The following ST7 variants were observed in gnomAD, a reference collection of about 807,000 sequenced individuals.
ST7 encodes suppressor of tumorigenicity 7 protein.
ST7 carries 28 observed loss-of-function variants against 78.7 expected under a neutral mutation model. That is an observed-to-expected ratio of 0.36 (90% CI 0.26 to 0.49). The LOEUF is 0.49. Ranked by LOEUF, ST7 falls within the 20% of genes least tolerant of loss-of-function variation. The probability of loss-of-function intolerance (pLI) is 0.99; values close to 1 mark genes in which losing one functional copy is unlikely to be tolerated. For synonymous variants in ST7, 247 were observed against 249.6 expected, an observed-to-expected ratio of 0.99 and a Z score of 0.10; for missense variants, 418 against 696.0, an observed-to-expected ratio of 0.60 and a Z score of 4.49.
intron 4 of ST7, 37 bp downstream of exon 4, chr7:117,129,884 G>T (rs752608790): frequency 6.4e-7 from 1 of 1,559,318 alleles, no homozygotes; most frequent in Non-Finnish European, 8.8e-7. Flanking sequence ...AAATGGGTCT[G>T]GTTCAGAGAG....
chr7:116,989,122 T>C (rs1286678260), intron 1 of ST7, among the ~76,000 whole-genome samples: 1 of 152,224 alleles, frequency 6.6e-6, no homozygotes, highest in Non-Finnish European at 1.5e-5. Context: ...ACCCCATATA[T>C]TCAAGATATT....
In ST7 at chr7:116,966,762, C is replaced by A. The variant is rs75524845; in HGVS notation, c.151+13071C>A. ...AAGCATCCCCTCTAGGCAGGAAGCC[C>A]AGCTGTGATTGTGAAATGACATTAT... On this transcript the variant is annotated intron_variant, in intron 1 of 15. Coordinates refer to ENST00000323984, the MANE Select transcript of ST7 (RefSeq NM_001369598.1). Among the ~76,000 whole-genome samples, 1,243 of 152,288 alleles carry A rather than the reference C, an allele frequency of 8.2e-3. 13 individuals carry two copies. Among genetic ancestry groups the A allele is most frequent in the African/African-American group, 0.024 (1,011 of 41,558 alleles).
chr7:117,182,376 C>G (rs1014342928), intron 10 of ST7, among the ~76,000 whole-genome samples: 5 of 152,068 alleles, frequency 3.3e-5, no homozygotes, highest in Admixed American at 1.3e-4. Flanking sequence ...ATGGAGGGAG[C>G]AAAGCTGTGC....
intron 1 of ST7, among the ~76,000 whole-genome samples, chr7:117,011,082 G>A (rs1485007914): frequency 6.6e-6 from 1 of 152,152 alleles, no homozygotes; most frequent in Admixed American, 6.5e-5. Flanking sequence ...GACCCACCAG[G>A]TCATGAGCCA....
intron 12 of ST7, among the ~76,000 whole-genome samples, chr7:117,196,387 CAACAG>C (rs1810305726): frequency 3.2e-5 from 1 of 30,926 alleles, no homozygotes; most frequent in Non-Finnish European, 1.2e-4. Context: ...ACATTCCCAC[CAACAG>C]TGCACAAGGG....
intron 1 of ST7, chr7:116,958,623 C>T: frequency 2.1e-6 from 1 of 471,338 alleles, no homozygotes; most frequent in Non-Finnish European, 4.4e-6. Context: ...ATCCTTTCAG[C>T]TGCAGAAAAG....
At chr7:117,090,479 G>A (rs1800526722) in intron 1 of ST7, among the ~76,000 whole-genome samples, 2 of 152,182 alleles carry the variant, frequency 1.3e-5, no homozygotes, top group South Asian at 2.1e-4. Context: ...GGCTGATGGA[G>A]GATTGAGACA....
chr7:117,215,629 C>T (rs1428084401), intron 13 of ST7, among the ~76,000 whole-genome samples: 1 of 152,216 alleles, frequency 6.6e-6, no homozygotes, highest in Non-Finnish European at 1.5e-5. Context: ...CGCTAGTGAG[C>T]CTAGGCAGGT....
At chr7:117,189,049 A>G (rs1330727284) in intron 10 of ST7, among the ~76,000 whole-genome samples, 2 of 152,238 alleles carry the variant, frequency 1.3e-5, no homozygotes, top group Non-Finnish European at 2.9e-5. Flanking sequence ...TAAACTCAAC[A>G]TATGAAAATT....
chr7:116,967,181 T>C (rs564346174), intron 1 of ST7: 1 of 289,470 alleles, frequency 3.5e-6, no homozygotes, highest in African/African-American at 2.2e-5. Flanking sequence ...TCTCAAGCAA[T>C]GTTCTCCTAG....
intron 1 of ST7, among the ~76,000 whole-genome samples, chr7:116,984,133 G>GTT (rs1418862309): frequency 6.6e-6 from 1 of 151,602 alleles, no homozygotes; most frequent in African/African-American, 2.4e-5. Context: ...GTGTGTGTGT[G>GTT]TGTGTGTGTG....
In ST7 at chr7:117,194,933, C is replaced by G. The variant is rs1364849865; in HGVS notation, c.1254+3997C>G. Among the ~76,000 whole-genome samples the G allele has an allele frequency of 2.0e-5, 3 of 152,162 alleles. No homozygotes were observed. In the East Asian group the frequency reaches 5.8e-4, roughly 29 times the overall value. The stretch of plus-strand genomic sequence containing the variant: ...CTGCAAGCCTTTCACTGCGAGGAGA[C>G]ACATTTTTGTTTTGGAGGATGTTAC... On this transcript the variant is annotated intron_variant, in intron 12 of 15. Transcript: ENST00000323984.
chr7:117,216,276 G>C (rs1792686703), intron 13 of ST7, among the ~76,000 whole-genome samples: 1 of 152,126 alleles, frequency 6.6e-6, no homozygotes, highest in African/African-American at 2.4e-5. Context: ...ATCAAGGTAG[G>C]GGAAGGGATG....
At chr7:117,016,503 C>G (rs1389600224) in intron 1 of ST7, among the ~76,000 whole-genome samples, 2 of 14,616 alleles carry the variant, frequency 1.4e-4, no homozygotes, top group Non-Finnish European at 5.6e-3. Flanking sequence ...ATTTGTTGTT[C>G]TTAAGTAATA....
chr7:117,173,727 G>A (rs1432883238), intron 10 of ST7, among the ~76,000 whole-genome samples: 1 of 152,112 alleles, frequency 6.6e-6, no homozygotes, highest in African/African-American at 2.4e-5. Flanking sequence ...AGGATTATAT[G>A]TCCTTTTTAC....
chr7:117,183,474 T>C (rs1421189979), intron 10 of ST7, among the ~76,000 whole-genome samples: 1 of 152,038 alleles, frequency 6.6e-6, no homozygotes, highest in Non-Finnish European at 1.5e-5. Flanking sequence ...TACATATAGT[T>C]ACAGGTACAA....
At chr7:117,108,383 C>G (rs1334197347) in intron 2 of ST7, among the ~76,000 whole-genome samples, 1 of 152,068 alleles carries the variant, frequency 6.6e-6, no homozygotes, top group African/African-American at 2.4e-5. Context: ...TGTGCTTTGT[C>G]CAAGATCAGT....
chr7:116,970,712 T>C (rs1173236883), intron 1 of ST7, among the ~76,000 whole-genome samples: 2 of 152,180 alleles, frequency 1.3e-5, no homozygotes. Flanking sequence ...AGCATTGTGG[T>C]TTGGCTTTCT....
chr7:116,987,389 G>C (rs113845981), intron 1 of ST7, among the ~76,000 whole-genome samples: 118 of 152,310 alleles, frequency 7.7e-4, no homozygotes, highest in African/African-American at 2.8e-3. Context: ...TGGGCCTGCT[G>C]TGGCATCACT....
Sources: allele counts gnomAD v4.1 joint callset (sites outside exome capture counted in the v4.1 genomes callset), GRCh38; gene constraint gnomAD v4.1.1; transcripts MANE v1.5; gene names NCBI Gene and HGNC (gene_info 2026-07-23, HGNC 2026-07-21).